RIPOR2: variants seen among roughly 807,000 people sequenced by gnomAD.
RIPOR2 encodes the protein RHO family interacting cell polarization regulator 2, also known as rho family-interacting cell polarization regulator 2.
Under a neutral mutation model 114.5 loss-of-function variants are expected in RIPOR2, and 39 were observed. The observed-to-expected ratio is 0.34, with a 90% CI of 0.26 to 0.44. The LOEUF (loss-of-function observed/expected upper bound fraction) is 0.44. Among genes scored for constraint, RIPOR2 ranks in the 20% least tolerant of loss-of-function variants. The probability of loss-of-function intolerance (pLI) is 1.00; values close to 1 mark genes in which losing one functional copy is unlikely to be tolerated. For synonymous variants in RIPOR2, 445 were observed against 484.4 expected (o/e 0.92, Z 1.07); for missense variants, 1,007 against 1,255.1 (o/e 0.80, Z 2.99).
intron 1 of RIPOR2, among the ~76,000 whole-genome samples, chr6:24,993,812 AG>A (rs1283577645): frequency 6.6e-6 from 1 of 152,244 alleles, no homozygotes; most frequent in Non-Finnish European, 1.5e-5. Context: ...CACATTACAA[AG>A]GCAGAGTTGA....
chr6:24,874,970 T>C (rs1026053755), intron 2 of RIPOR2, among the ~76,000 whole-genome samples: 3 of 152,174 alleles, frequency 2.0e-5, no homozygotes, highest in African/African-American at 4.8e-5. Flanking sequence ...ACTGATCTAA[T>C]TAGGAGATGC....
Position 24,848,145 on chromosome 6 carries a change from G to A in RIPOR2, c.1044C>T (p.Asp348=), listed in dbSNP as rs776626689. The A allele has an allele frequency of 1.2e-6, 2 of 1,613,292 alleles. No homozygotes were observed. The highest frequency in any genetic ancestry group is 1.7e-5 in the Admixed American group (1 of 59,922). ...LNLEITWYPF[D]VEDMTASSGA... ...CTGAGGATGCGGTCATGTCCTCCAC[G>A]TCAAATGGACTGCAAAACAACAGGT... Residue 348 remains aspartate (D), a synonymous_variant, in exon 12 of 22, where the codon GAC becomes GAT. Transcript: ENST00000643898.
rs1282854480 is a variant in RIPOR2, at chr6:24,847,601, G to A, written c.1164+424C>T. The A allele has an allele frequency of 1.6e-5, 25 of 1,551,576 alleles. No homozygotes were observed. Among genetic ancestry groups the A allele is most frequent in the Admixed American group, 2.0e-5 (1 of 50,980 alleles). On this transcript the variant is annotated intron_variant, in intron 12 of 21. Coordinates refer to ENST00000643898, the MANE Select transcript of RIPOR2 (RefSeq NM_001286445.3). ...AGGGAGGGCAGGTCACTGAAGGAGC[G>A]GCTGCGGTGCAGCTTGGCAAAGAAA...
intron 1 of RIPOR2, among the ~76,000 whole-genome samples, chr6:25,019,774 C>CAAAAAAAAAAAAAAAAAAAAAA (rs34107737): frequency 1.9e-5 from 1 of 53,122 alleles, no homozygotes; most frequent in Non-Finnish European, 3.1e-5. Flanking sequence ...GACTCTGTCT[C>CAAAAAAAAAAAAAAAAAAAAAA]AAAAAAAAAA....
At chr6:24,919,820 C>A (rs138867629) in intron 1 of RIPOR2, among the ~76,000 whole-genome samples, 1 of 152,246 alleles carries the variant, frequency 6.6e-6, no homozygotes, top group East Asian at 1.9e-4. Flanking sequence ...CATTTCATAT[C>A]CTAATTCACA....
intron 1 of RIPOR2, among the ~76,000 whole-genome samples, chr6:24,927,192 C>T (rs1469951936): frequency 0.041 from 266 of 6,422 alleles, 126 homozygotes; most frequent in Admixed American, 0.16. Context: ...TGACCACCAC[C>T]ACAACTACAA....
At chr6:24,852,732 C>T (rs961702559) in intron 8 of RIPOR2, 114 bp from the exon 9 acceptor site, 2 of 758,520 alleles carry the variant, frequency 2.6e-6, no homozygotes, top group African/African-American at 3.7e-5. Flanking sequence ...TGCAAACTCA[C>T]ATAACACTTT....
intron 1 of RIPOR2, among the ~76,000 whole-genome samples, chr6:24,898,969 T>C (rs1768154598): frequency 7.6e-6 from 1 of 131,338 alleles, no homozygotes; most frequent in Non-Finnish European, 1.6e-5. Flanking sequence ...TTTTTTTTTT[T>C]CAGTAAACTT....
At chr6:24,887,639 C>T (rs975246791) in intron 1 of RIPOR2, among the ~76,000 whole-genome samples, 2 of 152,172 alleles carry the variant, frequency 1.3e-5, no homozygotes, top group Admixed American at 6.5e-5. Flanking sequence ...TCTTTTATTC[C>T]TCTTCAAAGC....
At chr6:24,892,963 T>C (rs1767513228) in intron 1 of RIPOR2, among the ~76,000 whole-genome samples, 1 of 152,186 alleles carries the variant, frequency 6.6e-6, no homozygotes, top group Admixed American at 6.5e-5. Flanking sequence ...CATACTTAGT[T>C]TGAGGCTACA....
chr6:24,922,961 C>T lies in RIPOR2; in HGVS notation c.61+12877G>A, dbSNP rs115481829. Among the ~76,000 whole-genome samples, 1,197 of 152,022 alleles carry T rather than the reference C, an allele frequency of 7.9e-3. 11 individuals are homozygous for T. Among genetic ancestry groups the T allele is most frequent in the African/African-American group, 0.027 (1,114 of 41,434 alleles). On this transcript the variant is annotated intron_variant, in intron 1 of 21. Transcript: ENST00000643898. ...TTCAGTAGTGTAAAGTACATTCATA[C>T]CGTTCTGCACCAAACTCCAGAACTC...
At chr6:24,873,123 C>G (rs1215997159) in intron 3 of RIPOR2, among the ~76,000 whole-genome samples, 164 bp from the exon 4 acceptor site, 5 of 152,154 alleles carry the variant, frequency 3.3e-5, no homozygotes, top group Non-Finnish European at 7.3e-5. Context: ...TTTGAAAGGT[C>G]TAGCAGTGGC....
At chr6:24,863,241 C>T (rs1258372577) in intron 7 of RIPOR2, among the ~76,000 whole-genome samples, 1 of 152,176 alleles carries the variant, frequency 6.6e-6, no homozygotes, top group African/African-American at 2.4e-5. Context: ...GTATAAGCCG[C>T]TGCACCCGGC....
intron 1 of RIPOR2, among the ~76,000 whole-genome samples, chr6:24,921,626 T>G (rs1428647404): frequency 6.6e-6 from 1 of 152,006 alleles, no homozygotes. Flanking sequence ...CACCCTGCAC[T>G]TAATTTTTTC....
chr6:24,853,026 T>C (rs1014097538), intron 8 of RIPOR2, among the ~76,000 whole-genome samples: 2 of 152,228 alleles, frequency 1.3e-5, no homozygotes, highest in Non-Finnish European at 2.9e-5. Flanking sequence ...ATGTGTGATT[T>C]TTAAGTGCCT....
chr6:24,996,988 C>T (rs1775077106), intron 1 of RIPOR2, among the ~76,000 whole-genome samples: 1 of 152,164 alleles, frequency 6.6e-6, no homozygotes, highest in African/African-American at 2.4e-5. Context: ...TCCTTAGGGG[C>T]AATCATACAT....
At chr6:25,016,902 C>A (rs1776032236) in intron 1 of RIPOR2, among the ~76,000 whole-genome samples, 1 of 152,168 alleles carries the variant, frequency 6.6e-6, no homozygotes, top group South Asian at 2.1e-4. Flanking sequence ...GATTCACATT[C>A]TGGGTGCTTC....
intron 1 of RIPOR2, among the ~76,000 whole-genome samples, chr6:24,921,659 CG>C (rs999126586): frequency 1.5e-3 from 227 of 151,528 alleles, no homozygotes; most frequent in African/African-American, 5.2e-3. Context: ...TCGCCCCCCC[CG>C]ACCCTGATGT....
At chr6:24,954,746 C>G (rs892532461) in intron 1 of RIPOR2, among the ~76,000 whole-genome samples, 2 of 152,040 alleles carry the variant, frequency 1.3e-5, no homozygotes, top group African/African-American at 2.4e-5. Flanking sequence ...CTGCACTCAG[C>G]CTTAGGCCCC....
Sources: allele counts gnomAD v4.1 joint callset (sites outside exome capture counted in the v4.1 genomes callset), GRCh38; gene constraint gnomAD v4.1.1; transcripts MANE v1.5; gene names NCBI Gene and HGNC (gene_info 2026-07-23, HGNC 2026-07-21).